Variants in PLEKHA7 observed in about 807,000 individuals in gnomAD.
PLEKHA7 encodes the protein pleckstrin homology domain containing A7.
A neutral mutation model predicts 170.0 loss-of-function variants in PLEKHA7; 104 were observed. That is an observed-to-expected ratio of 0.61 (90% CI 0.52 to 0.72). The LOEUF is 0.72. Ranked by LOEUF, PLEKHA7 falls within the 30% of genes least tolerant of loss-of-function variation. The probability of loss-of-function intolerance (pLI) is 0.00; values close to 1 mark genes in which losing one functional copy is unlikely to be tolerated. For synonymous variants in PLEKHA7, 648 were observed against 660.8 expected (o/e 0.98, Z 0.30); for missense variants, 1,615 against 1,671.7 (o/e 0.97, Z 0.59).
intron 10 of PLEKHA7, among the ~76,000 whole-genome samples, chr11:16,820,163 T>A (rs1391859098): frequency 6.6e-6 from 1 of 152,244 alleles, no homozygotes; most frequent in African/African-American, 2.4e-5. Context: ...GGCATCAGTG[T>A]CTTAACAAGC....
intron 3 of PLEKHA7, among the ~76,000 whole-genome samples, chr11:16,907,098 T>G (rs7938150): frequency 2.3e-5 from 3 of 128,448 alleles, no homozygotes; most frequent in African/African-American, 7.2e-5. Flanking sequence ...GCAGCCACCC[T>G]GTCTGGGAGG....
At chr11:16,834,997 C>T (rs1476869370) in intron 9 of PLEKHA7, among the ~76,000 whole-genome samples, 3 of 152,172 alleles carry the variant, frequency 2.0e-5, no homozygotes, top group Admixed American at 6.5e-5. Context: ...AGGCTAGGCG[C>T]GGTGGCTCAT....
intron 3 of PLEKHA7, among the ~76,000 whole-genome samples, chr11:16,874,176 G>A (rs1352832101): frequency 2.6e-5 from 4 of 152,172 alleles, no homozygotes; most frequent in African/African-American, 4.8e-5. Flanking sequence ...AATGGGGGGA[G>A]TGCCTTGTAC....
chr11:16,957,126 A>C (rs1449520185), intron 3 of PLEKHA7, among the ~76,000 whole-genome samples: 1 of 152,232 alleles, frequency 6.6e-6, no homozygotes, highest in Non-Finnish European at 1.5e-5. Context: ...GAAAAAACTA[A>C]CAAAAAAGGG....
intron 15 of PLEKHA7, 52 bp downstream of exon 15, chr11:16,802,919 CA>C: frequency 7.0e-7 from 1 of 1,420,682 alleles, no homozygotes; most frequent in Non-Finnish European, 1.0e-6. Context: ...TCAAGAAAGA[CA>C]GGACAAAATG....
chr11:16,808,386 C>T (rs1849135649), intron 13 of PLEKHA7, among the ~76,000 whole-genome samples: 1 of 152,148 alleles, frequency 6.6e-6, no homozygotes, highest in Non-Finnish European at 1.5e-5. Context: ...CAGAGCTTGA[C>T]AAAAATGCAG....
Position 16,789,970 on chromosome 11 carries a change from G to A in PLEKHA7, c.3053-92C>T. ...TCACACATTCTTGCAGGAGTACCAA[G>A]AGCACCCAGTCAATGACCCACCCTT... On this transcript the variant is annotated intron_variant, in intron 21 of 26. Transcript: ENST00000531066. This position sits in a 1 kb window ranked among gnomAD's most constrained non-coding sequence, Gnocchi z 4.6. 1 of 1,142,154 alleles carries A rather than the reference G, an allele frequency of 8.8e-7. No homozygotes were observed. The highest frequency in any genetic ancestry group is 1.3e-6 in the Non-Finnish European group (1 of 768,104). 70.8% of individuals were successfully genotyped at this position (1,142,154 alleles called of 1,614,324 possible).
chr11:16,993,715 A>G (rs928552519), intron 3 of PLEKHA7, among the ~76,000 whole-genome samples: 1 of 152,208 alleles, frequency 6.6e-6, no homozygotes, highest in East Asian at 1.9e-4. Flanking sequence ...CCTCAGTTAA[A>G]GTTTAAAAGC....
chr11:16,856,407 A>G (rs1403366413), intron 4 of PLEKHA7, among the ~76,000 whole-genome samples: 1 of 152,178 alleles, frequency 6.6e-6, no homozygotes, highest in Non-Finnish European at 1.5e-5. Context: ...CCTTACATAA[A>G]TGCCAGTGGG....
At chr11:16,831,567 G>A (rs146299070) in intron 9 of PLEKHA7, among the ~76,000 whole-genome samples, 5 of 152,218 alleles carry the variant, frequency 3.3e-5, no homozygotes, top group Admixed American at 1.3e-4. Flanking sequence ...ACCGGTCACT[G>A]TTCAAAAACA....
At chr11:16,787,169 G>A in intron 23 of PLEKHA7, 1 of 985,418 alleles carries the variant, frequency 1.0e-6, no homozygotes, top group African/African-American at 1.7e-5. Flanking sequence ...CCCAGGACCT[G>A]CATCCTCACA....
intron 3 of PLEKHA7, among the ~76,000 whole-genome samples, chr11:16,910,830 G>T (rs927997803): frequency 4.6e-5 from 7 of 152,212 alleles, no homozygotes; most frequent in Non-Finnish European, 7.3e-5. Flanking sequence ...ACTTTGCAAA[G>T]AACAAAGCTC....
At chr11:16,979,039 G>T (rs1461996169) in intron 3 of PLEKHA7, among the ~76,000 whole-genome samples, 1 of 152,112 alleles carries the variant, frequency 6.6e-6, no homozygotes, top group African/African-American at 2.4e-5. Flanking sequence ...TGTTGTTGTT[G>T]TTGTTGTTTT....
At chr11:16,906,565 T>C (rs6486317) in intron 3 of PLEKHA7, among the ~76,000 whole-genome samples, 5,340 of 114,472 alleles carry the variant, frequency 0.047, 463 homozygotes, top group African/African-American at 0.13. Flanking sequence ...GCGAGTGATC[T>C]GCCAGCCTCG....
At position 16,803,437 on chromosome 11, in the gene PLEKHA7, G is replaced by A. The variant is rs960243930; in HGVS notation, c.2008-142C>T. Reference sequence around the variant, plus strand: ...CATAGTATGAGAGGGACAAAAACTTGGGCCATACTTCGCTATTTCTATGCC... The same window carrying A: ...CATAGTATGAGAGGGACAAAAACTTAGGCCATACTTCGCTATTTCTATGCC... On this transcript the variant is annotated intron_variant, in intron 13 of 26. Transcript: ENST00000531066. The A allele has an allele frequency of 6.3e-6, 5 of 798,998 alleles. No individual in the cohort carries two copies. The African/African-American group carries it at 8.6e-5, about 14-fold the overall frequency. 49.5% of individuals were successfully genotyped at this position (798,998 alleles called of 1,614,324 possible).
At chr11:16,908,178 A>G (rs1857978184) in intron 3 of PLEKHA7, among the ~76,000 whole-genome samples, 1 of 149,828 alleles carries the variant, frequency 6.7e-6, no homozygotes, top group Admixed American at 6.7e-5. Flanking sequence ...TTGTTCACTT[A>G]TCTGCTGACC....
intron 26 of PLEKHA7, among the ~76,000 whole-genome samples, chr11:16,781,635 A>G (rs1473909876): frequency 1.3e-5 from 2 of 152,174 alleles, no homozygotes; most frequent in Non-Finnish European, 2.9e-5. Context: ...CCAAGATTTC[A>G]AGGACTCTGT....
chr11:16,994,203 G>A (rs1349024020), intron 3 of PLEKHA7, among the ~76,000 whole-genome samples: 1 of 152,152 alleles, frequency 6.6e-6, no homozygotes, highest in Non-Finnish European at 1.5e-5. Flanking sequence ...TCTGTGCACT[G>A]TGCAAAGCTG....
intron 3 of PLEKHA7, among the ~76,000 whole-genome samples, chr11:16,997,866 C>T (rs145659881): frequency 3.3e-5 from 5 of 152,304 alleles, no homozygotes; most frequent in East Asian, 1.9e-4. Flanking sequence ...GTGCGAAGCT[C>T]GAGTGTCTTC....
Sources: gnomAD v4.1 joint callset for allele counts (sites outside exome capture counted in the v4.1 genomes callset) on GRCh38, gnomAD v4.1.1 for gene constraint, Gnocchi (gnomAD v3.1) non-coding constraint, MANE v1.5 for transcripts, NCBI Gene and HGNC (gene_info 2026-07-23, HGNC 2026-07-21) for gene names.